The following GPC5 variants were observed in gnomAD, a reference collection of about 807,000 sequenced individuals.
GPC5 encodes glypican-5.
In GPC5, 47 loss-of-function variants were observed where a neutral mutation model predicts 53.9. The observed-to-expected ratio is 0.87, with a 90% CI of 0.69 to 1.11. The LOEUF (loss-of-function observed/expected upper bound fraction) is 1.11, where lower values mean the gene tolerates loss of function less well. GPC5 is among the 50% of genes most tolerant of loss of function. The pLI, the probability that GPC5 is intolerant of heterozygous loss-of-function variation, is 0.00. For missense variants in GPC5, 748 were observed against 713.1 expected (o/e 1.05, Z -0.56); for synonymous variants, 286 against 263.3 (o/e 1.09, Z -0.84).
intron 7 of GPC5, among the ~76,000 whole-genome samples, chr13:92,745,283 A>T (rs1225038028): frequency 6.6e-6 from 1 of 152,128 alleles, no homozygotes; most frequent in African/African-American, 2.4e-5. Flanking sequence ...TAGCAAAAAA[A>T]CACAAATTCT....
intron 6 of GPC5, among the ~76,000 whole-genome samples, chr13:92,130,950 C>A (rs2138961584): frequency 6.6e-6 from 1 of 151,466 alleles, no homozygotes; most frequent in South Asian, 2.1e-4. Flanking sequence ...AGTAAAAAAA[C>A]AGAAACAGAA....
chr13:92,549,857 GA>G lies in GPC5; in HGVS notation c.1562-316422del, dbSNP rs202231214. The stretch of plus-strand genomic sequence containing the variant: ...GACAAGAAGGTAGGGGTAAAAGGGG[GA>G]AAGTTTCTTTTACCAAACACACACA... On this transcript the variant is annotated intron_variant, in intron 7 of 7. Coordinates refer to ENST00000377067, the MANE Select transcript of GPC5 (RefSeq NM_004466.6). 4.0e-3 allele frequency among the ~76,000 whole-genome samples: 604 copies of G among 149,590 alleles called. 1 individual carries two copies. Among genetic ancestry groups the G allele is most frequent in the African/African-American group, 0.014 (583 of 40,614 alleles).
At chr13:91,918,808 A>T (rs2039683557) in intron 6 of GPC5, among the ~76,000 whole-genome samples, 2 of 151,680 alleles carry the variant, frequency 1.3e-5, no homozygotes, top group South Asian at 4.2e-4. Flanking sequence ...CAGGATCTTC[A>T]TGTATCTCTT....
At chr13:91,826,189 A>AAACT (rs201855031) in intron 5 of GPC5, among the ~76,000 whole-genome samples, 1 of 150,798 alleles carries the variant, frequency 6.6e-6, no homozygotes, top group African/African-American at 2.4e-5. Context: ...TAAATAAATG[A>AAACT]TGAGATGTCT....
chr13:91,869,572 CT>C (rs1266774303), intron 5 of GPC5, among the ~76,000 whole-genome samples: 1 of 152,058 alleles, frequency 6.6e-6, no homozygotes. Flanking sequence ...TACATTATTG[CT>C]GAGATTTTAA....
chr13:92,469,497 G>A (rs1209127559), intron 7 of GPC5, among the ~76,000 whole-genome samples: 2 of 152,030 alleles, frequency 1.3e-5, no homozygotes, highest in African/African-American at 4.8e-5. Flanking sequence ...TCTATCATAT[G>A]GTTAGCATTA....
At chr13:91,476,804 A>G (rs924562478) in intron 2 of GPC5, among the ~76,000 whole-genome samples, 6 of 152,222 alleles carry the variant, frequency 3.9e-5, no homozygotes, top group African/African-American at 1.4e-4. Context: ...CAGAGGCAGC[A>G]TCATATGTAC....
rs138869187 is a variant in GPC5 at position 91,913,268 on chromosome 13, G to A, written c.1401+5211G>A. On this transcript the variant is annotated intron_variant, in intron 6 of 7. Transcript: ENST00000377067. Reference sequence around the variant, plus strand: ...ACAAAAATTAGCTGGGCATTGTGGCGTGCACCTGTATTCCCAGCTACTAGG... The same window carrying A: ...ACAAAAATTAGCTGGGCATTGTGGCATGCACCTGTATTCCCAGCTACTAGG... 3.6e-3 allele frequency among the ~76,000 whole-genome samples: 554 copies of A among 151,886 alleles called. 7 individuals carry two copies. The highest frequency in any genetic ancestry group is 0.013 in the African/African-American group (521 of 41,412).
chr13:92,428,902 A>T (rs1208583515), intron 7 of GPC5, among the ~76,000 whole-genome samples: 1 of 152,110 alleles, frequency 6.6e-6, no homozygotes, highest in Non-Finnish European at 1.5e-5. Context: ...ATGAAGAAAC[A>T]ATTTCCCTCC....
In GPC5 at chr13:92,628,264, C is replaced by CT. The variant is rs71123419; in HGVS notation, c.1562-237989dup. Among the ~76,000 whole-genome samples, 154 of 45,336 alleles carry CT rather than the reference C, an allele frequency of 3.4e-3. 13 individuals carry two copies. The highest frequency in any genetic ancestry group is 4.8e-3 in the Admixed American group (17 of 3,532). The allele number at this position is 45,336 out of a possible 152,430, so 29.7% of individuals were successfully genotyped here. A position where few individuals can be genotyped will look rare whatever the true frequency, so the allele number is the denominator to read the frequency against. ...TTTTCTTTTCTTTTTCTTTTTCTTTCTTTTTTTTTTTTTTTTTTTTTTTTT... is the reference window on the plus strand; with the variant it reads ...TTTTCTTTTCTTTTTCTTTTTCTTTCTTTTTTTTTTTTTTTTTTTTTTTTTT... On this transcript the variant is annotated intron_variant, in intron 7 of 7. Coordinates refer to ENST00000377067, the MANE Select transcript of GPC5 (RefSeq NM_004466.6).
At chr13:91,987,588 T>C (rs535682505) in intron 6 of GPC5, among the ~76,000 whole-genome samples, 1 of 151,706 alleles carries the variant, frequency 6.6e-6, no homozygotes, top group Non-Finnish European at 1.5e-5. Flanking sequence ...TTTTGACAAA[T>C]GAAGATGAAT....
intron 6 of GPC5, among the ~76,000 whole-genome samples, chr13:92,123,255 A>C (rs2041665505): frequency 6.6e-6 from 1 of 152,012 alleles, no homozygotes; most frequent in Non-Finnish European, 1.5e-5. Context: ...AAAAAAAAAA[A>C]ACTATTTGGT....
chr13:91,603,057 A>G (rs1192797866), intron 2 of GPC5, among the ~76,000 whole-genome samples: 1 of 152,208 alleles, frequency 6.6e-6, no homozygotes, highest in Non-Finnish European at 1.5e-5. Flanking sequence ...TGACTGGGGT[A>G]GTGGACATGT....
intron 6 of GPC5, among the ~76,000 whole-genome samples, chr13:92,112,659 T>C (rs2041566632): frequency 1.3e-5 from 2 of 151,846 alleles, no homozygotes; most frequent in African/African-American, 4.8e-5. Flanking sequence ...GGAGGAAAAA[T>C]TGGGAAAGAA....
At position 91,584,953 on chromosome 13, in the gene GPC5, G is replaced by A. The variant is rs562592336; in HGVS notation, c.326-108234G>A. On this transcript the variant is annotated intron_variant, in intron 2 of 7. Transcript: ENST00000377067. ...AAATCACAAATAGGAGTGGATGTTT[G>A]CAACATGCATAACCAAATAACAAAA... 1.1e-4 allele frequency among the ~76,000 whole-genome samples: 17 copies of A among 152,214 alleles called. 1 individual carries two copies. Among genetic ancestry groups the A allele is most frequent in the Admixed American group, 6.5e-4 (10 of 15,270 alleles).
At chr13:91,999,151 G>C (rs965337092) in intron 6 of GPC5, among the ~76,000 whole-genome samples, 1 of 151,956 alleles carries the variant, frequency 6.6e-6, no homozygotes, top group Non-Finnish European at 1.5e-5. Context: ...TGAATAAAGA[G>C]AAATTTAATC....
At chr13:91,720,293 T>C (rs2036435750) in intron 3 of GPC5, among the ~76,000 whole-genome samples, 2 of 152,226 alleles carry the variant, frequency 1.3e-5, no homozygotes, top group Non-Finnish European at 2.9e-5. Context: ...AACTACACTT[T>C]CCACGAATCA....
intron 5 of GPC5, among the ~76,000 whole-genome samples, chr13:91,904,941 C>G (rs1184531120): frequency 6.6e-6 from 1 of 152,046 alleles, no homozygotes; most frequent in African/African-American, 2.4e-5. Context: ...CATTAGCAAT[C>G]TTGCTGCCCT....
chr13:91,937,258 A>T (rs1436922189), intron 6 of GPC5, among the ~76,000 whole-genome samples: 1 of 152,068 alleles, frequency 6.6e-6, no homozygotes, highest in Non-Finnish European at 1.5e-5. Context: ...TCATTCAAAT[A>T]TCTTAACTTT....
Sources: gnomAD v4.1 joint callset for allele counts (sites outside exome capture counted in the v4.1 genomes callset) on GRCh38, gnomAD v4.1.1 for gene constraint, MANE v1.5 for transcripts, NCBI Gene and HGNC (gene_info 2026-07-23, HGNC 2026-07-21) for gene names.